EXOC6B: variants seen among roughly 807,000 people sequenced by gnomAD.
EXOC6B encodes exocyst complex component 6B, also known as SEC15 homolog B.
EXOC6B carries 54 observed loss-of-function variants against 113.5 expected under a neutral mutation model. That is an observed-to-expected ratio of 0.48 (90% CI 0.38 to 0.60). EXOC6B has a LOEUF of 0.60. Among genes scored for constraint, EXOC6B ranks in the 20% least tolerant of loss-of-function variants. EXOC6B has a pLI of 0.00. For synonymous variants in EXOC6B, 357 were observed against 339.0 expected (o/e 1.05, Z -0.58); for missense variants, 797 against 977.5 (o/e 0.82, Z 2.46).
At chr2:72,711,692 C>A (rs1009191453) in intron 6 of EXOC6B, among the ~76,000 whole-genome samples, 2 of 152,056 alleles carry the variant, frequency 1.3e-5, no homozygotes, top group African/African-American at 4.8e-5. Context: ...TACTCTTGCA[C>A]TTTGGAGCCA....
intron 1 of EXOC6B, among the ~76,000 whole-genome samples, chr2:72,802,346 T>C (rs1339209455): frequency 6.6e-6 from 1 of 151,330 alleles, no homozygotes; most frequent in Non-Finnish European, 1.5e-5. Flanking sequence ...AAAAAGTGTC[T>C]GCTAAAAAAC....
At chr2:72,724,952 T>C (rs1458242669) in intron 5 of EXOC6B, among the ~76,000 whole-genome samples, 1 of 152,016 alleles carries the variant, frequency 6.6e-6, no homozygotes, top group Non-Finnish European at 1.5e-5. Flanking sequence ...CCAACATAAA[T>C]ATTAATATAA....
intron 1 of EXOC6B, among the ~76,000 whole-genome samples, chr2:72,765,772 C>T (rs1233142140): frequency 1.3e-5 from 2 of 152,266 alleles, no homozygotes; most frequent in East Asian, 3.9e-4. Context: ...AATGGGTCTG[C>T]CAATATGCTT....
intron 20 of EXOC6B, among the ~76,000 whole-genome samples, chr2:72,237,295 A>C (rs1173503860): frequency 6.6e-6 from 1 of 152,198 alleles, no homozygotes; most frequent in Non-Finnish European, 1.5e-5. Flanking sequence ...GTATCTGGTC[A>C]CTGGGATGCC....
At chr2:72,219,156 A>T (rs4852862) in intron 20 of EXOC6B, among the ~76,000 whole-genome samples, 25,300 of 152,062 alleles carry the variant, frequency 0.17, 2,371 homozygotes, top group Non-Finnish European at 0.21. Flanking sequence ...ACCAGAGAAG[A>T]GAAGGCTGAA....
At chr2:72,473,932 T>C (rs1486576992) in intron 17 of EXOC6B, among the ~76,000 whole-genome samples, 2 of 152,172 alleles carry the variant, frequency 1.3e-5, no homozygotes, top group African/African-American at 2.4e-5. Context: ...AGGAATTTAT[T>C]GTAAGGCCAG....
chr2:72,493,605 C>A (rs1699878360), intron 15 of EXOC6B, among the ~76,000 whole-genome samples: 1 of 151,830 alleles, frequency 6.6e-6, no homozygotes. Flanking sequence ...AACAGGATCT[C>A]TCGCGTATGT....
chr2:72,358,566 C>A (rs905886306), intron 19 of EXOC6B, among the ~76,000 whole-genome samples: 24 of 151,920 alleles, frequency 1.6e-4, no homozygotes, highest in African/African-American at 5.1e-4. Context: ...CTTCATTTTA[C>A]AAATGAAAAA....
At chr2:72,465,563 A>C (rs2105420723) in intron 17 of EXOC6B, among the ~76,000 whole-genome samples, 1 of 152,338 alleles carries the variant, frequency 6.6e-6, no homozygotes, top group South Asian at 2.1e-4. Flanking sequence ...AAATGAAAGC[A>C]GAATGCCCAG....
chr2:72,673,778 T>A (rs1403051561), intron 6 of EXOC6B, among the ~76,000 whole-genome samples: 1 of 150,338 alleles, frequency 6.7e-6, no homozygotes, highest in Non-Finnish European at 1.5e-5. Context: ...TTTATTTTTT[T>A]ATTTTTTTTT....
intron 1 of EXOC6B, among the ~76,000 whole-genome samples, chr2:72,785,154 T>C (rs1406845890): frequency 6.6e-6 from 1 of 152,240 alleles, no homozygotes; most frequent in Non-Finnish European, 1.5e-5. Flanking sequence ...GTCACACTGA[T>C]GTGAAAGGTA....
intron 20 of EXOC6B, among the ~76,000 whole-genome samples, chr2:72,309,789 T>C (rs1189694898): frequency 1.3e-5 from 2 of 152,256 alleles, no homozygotes; most frequent in African/African-American, 2.4e-5. Flanking sequence ...AGGAAATCCA[T>C]ACCCATATTA....
At chr2:72,326,180 GT>G (rs776287942) in intron 20 of EXOC6B, among the ~76,000 whole-genome samples, 10 of 152,060 alleles carry the variant, frequency 6.6e-5, no homozygotes, top group Non-Finnish European at 1.2e-4. Context: ...CATTCAACCA[GT>G]ACCACTACAA....
At chr2:72,526,148 T>C (rs1480456397) in intron 8 of EXOC6B, among the ~76,000 whole-genome samples, 2 of 152,068 alleles carry the variant, frequency 1.3e-5, no homozygotes, top group Admixed American at 6.5e-5. Context: ...TGTTTCACGT[T>C]GCCAAAAGGA....
chr2:72,741,481 A>T lies in EXOC6B; in HGVS notation c.114-12T>A. The T allele has an allele frequency of 6.3e-7, 1 of 1,596,674 alleles. No homozygotes were observed. Among genetic ancestry groups the T allele is most frequent in the Non-Finnish European group, 8.5e-7 (1 of 1,174,632 alleles). The stretch of plus-strand genomic sequence containing the variant: ...CATCATAAACAGACCTTTAAAAAAA[A>T]ATGGCACGAAGATTATACCATGGTT... On this transcript the variant is annotated splice_polypyrimidine_tract_variant and intron_variant, in intron 1 of 21. Coordinates refer to ENST00000272427, the MANE Select transcript of EXOC6B (RefSeq NM_015189.3).
chr2:72,279,797 T>C (rs1013702449), intron 20 of EXOC6B, among the ~76,000 whole-genome samples: 4 of 151,900 alleles, frequency 2.6e-5, no homozygotes, highest in Non-Finnish European at 5.9e-5. Context: ...TTGGGTTTTT[T>C]TTGTTGTTGT....
At chr2:72,450,256 T>G (rs1331136634) in intron 18 of EXOC6B, among the ~76,000 whole-genome samples, 2 of 152,114 alleles carry the variant, frequency 1.3e-5, no homozygotes, top group African/African-American at 2.4e-5. Flanking sequence ...ATAGTAAAAC[T>G]CTGGTATGTG....
At chr2:72,425,340 T>C (rs1302987899) in intron 18 of EXOC6B, among the ~76,000 whole-genome samples, 1 of 152,226 alleles carries the variant, frequency 6.6e-6, no homozygotes, top group Non-Finnish European at 1.5e-5. Context: ...TCATTAACTA[T>C]AAGATGCTTT....
intron 20 of EXOC6B, among the ~76,000 whole-genome samples, chr2:72,224,285 C>T (rs191092988): frequency 2.0e-5 from 3 of 152,180 alleles, no homozygotes; most frequent in East Asian, 3.9e-4. Flanking sequence ...GCAAATAGCA[C>T]GATGACAAAT....
Sources: allele counts gnomAD v4.1 joint callset (sites outside exome capture counted in the v4.1 genomes callset), GRCh38; gene constraint gnomAD v4.1.1; transcripts MANE v1.5; gene names NCBI Gene and HGNC (gene_info 2026-07-23, HGNC 2026-07-21).